CCDC192: variants seen among roughly 807,000 people sequenced by gnomAD.
CCDC192 encodes the protein coiled-coil domain containing 192.
chr5:127,884,758 T>C (rs187552176), intron 6 of CCDC192, among the ~76,000 whole-genome samples: 5 of 152,342 alleles, frequency 3.3e-5, no homozygotes, highest in African/African-American at 1.2e-4. Flanking sequence ...TAACCTGTTT[T>C]AGTTAAACCT....
At chr5:127,763,356 A>G (rs1399707880) in intron 3 of CCDC192, among the ~76,000 whole-genome samples, 1 of 152,082 alleles carries the variant, frequency 6.6e-6, no homozygotes, top group Non-Finnish European at 1.5e-5. Flanking sequence ...TATGCAATCA[A>G]TTGCTGAGTA....
chr5:127,807,725 C>T (rs889069826), intron 5 of CCDC192, among the ~76,000 whole-genome samples: 11 of 152,280 alleles, frequency 7.2e-5, no homozygotes, highest in African/African-American at 2.4e-4. Flanking sequence ...GTGCTTCACT[C>T]CACTCCTGGG....
intron 6 of CCDC192, among the ~76,000 whole-genome samples, chr5:127,899,548 C>T (rs1752983706): frequency 7.3e-6 from 1 of 136,350 alleles, no homozygotes; most frequent in Non-Finnish European, 1.5e-5. Context: ...AGTAAACCAT[C>T]GTCACACTGC....
chr5:127,775,680 G>T (rs1368250234), intron 3 of CCDC192, among the ~76,000 whole-genome samples: 1 of 152,178 alleles, frequency 6.6e-6, no homozygotes, highest in Non-Finnish European at 1.5e-5. Context: ...GTTTGGCTGT[G>T]TCCCCACCCA....
intron 3 of CCDC192, among the ~76,000 whole-genome samples, chr5:127,762,913 A>C (rs1429685038): frequency 6.6e-6 from 1 of 152,184 alleles, no homozygotes; most frequent in Non-Finnish European, 1.5e-5. Context: ...ATATTAATCG[A>C]GTTTATACTA....
chr5:127,809,439 TG>T (rs200192687), intron 5 of CCDC192, among the ~76,000 whole-genome samples: 2,005 of 152,208 alleles, frequency 0.013, 19 homozygotes, highest in African/African-American at 0.027. Flanking sequence ...ATTAGTGTGT[TG>T]GGGGGGATGC....
chr5:127,832,593 GT>G, intron 5 of CCDC192, among the ~76,000 whole-genome samples: 1 of 152,250 alleles, frequency 6.6e-6, no homozygotes, highest in East Asian at 1.9e-4. Flanking sequence ...ATTCAGAATA[GT>G]GATTGCCTCT....
intron 6 of CCDC192, among the ~76,000 whole-genome samples, chr5:127,910,856 A>C (rs1010715271): frequency 2.6e-5 from 4 of 152,194 alleles, no homozygotes; most frequent in Admixed American, 6.5e-5. Flanking sequence ...AGAGAGAAGC[A>C]TATTTCCTTT....
At chr5:127,929,765 A>G (rs1055301382) in intron 6 of CCDC192, among the ~76,000 whole-genome samples, 21 of 152,208 alleles carry the variant, frequency 1.4e-4, no homozygotes, top group African/African-American at 4.8e-4. Context: ...AAACTGTCAT[A>G]TCTTTTTAAA....
chr5:127,844,734 C>A (rs1384969893), intron 5 of CCDC192, among the ~76,000 whole-genome samples: 1 of 152,162 alleles, frequency 6.6e-6, no homozygotes, highest in Non-Finnish European at 1.5e-5. Flanking sequence ...TGGCAGCCTG[C>A]CGAGCAGCCC....
chr5:127,925,448 C>T (rs1753837200), intron 6 of CCDC192, among the ~76,000 whole-genome samples: 1 of 152,152 alleles, frequency 6.6e-6, no homozygotes, highest in Non-Finnish European at 1.5e-5. Flanking sequence ...CACAAGCTGT[C>T]CTCAAGAACG....
Position 127,941,352 on chromosome 5 carries a change from G to C in CCDC192, c.706G>C (p.Ala236Pro). 2.5e-6 allele frequency: 1 copy of C among 399,114 alleles called. No homozygotes were observed. Among genetic ancestry groups the C allele is most frequent in the Middle Eastern group, 6.3e-4 (1 of 1,588 alleles). The allele number at this position is 399,114 out of a possible 1,614,324, so 24.7% of individuals were successfully genotyped here. ...EKERKIQQLE[A>P]ERSPHPPQEV... ...GGAAAGGAAGATTCAGCAGCTGGAA[G>C]CTGAGCGGAGTCCCCATCCTCCCCA... The change falls in exon 7 of 7, where the codon GCT (alanine) becomes CCT (proline). Residue 236 changes from alanine (A) to proline (P), a missense_variant. Transcript: ENST00000514853.
rs536558058 is a variant in CCDC192, at chr5:127,757,343, A to T, written c.222+2968A>T. Among the ~76,000 whole-genome samples the T allele has an allele frequency of 3.9e-5, 6 of 152,332 alleles. No homozygotes were observed. In the South Asian group the frequency reaches 6.2e-4, roughly 16 times the overall value. ...ATAGTTTGAGGAAAGGGAGAGTATG[A>T]TGTGTAAAAGCACATTGCAGCCATT... is the stretch of plus-strand genomic sequence containing the variant. On this transcript the variant is annotated intron_variant, in intron 3 of 6. Transcript: ENST00000514853.
intron 2 of CCDC192, among the ~76,000 whole-genome samples, chr5:127,748,805 C>T (rs1348649562): frequency 4.8e-5 from 7 of 146,874 alleles, no homozygotes; most frequent in African/African-American, 1.8e-4. Context: ...TTGTAGTTCT[C>T]CTTGAAGAGG....
intron 3 of CCDC192, 138 bp downstream of exon 3, chr5:127,754,513 A>C: frequency 2.7e-6 from 1 of 372,418 alleles, no homozygotes. Context: ...ACACACACAC[A>C]TTGCAGTATG....
chr5:127,772,295 T>C (rs1755600000), intron 3 of CCDC192, among the ~76,000 whole-genome samples: 1 of 151,978 alleles, frequency 6.6e-6, no homozygotes, highest in Non-Finnish European at 1.5e-5. Context: ...ATCCCATCTC[T>C]ACTAAAAATA....
At chr5:127,719,540 TATATATATATATATATATACACACATAC>T (rs71575705) in intron 2 of CCDC192, among the ~76,000 whole-genome samples, 43,212 of 103,612 alleles carry the variant, frequency 0.42, 8,636 homozygotes, top group Middle Eastern at 0.55. Context: ...CATACATATA[TATATATATATATATATATACACACATAC>T]ATATATATAT....
intron 3 of CCDC192, among the ~76,000 whole-genome samples, chr5:127,770,992 A>G (rs56269278): frequency 6.6e-6 from 1 of 152,158 alleles, no homozygotes; most frequent in African/African-American, 2.4e-5. Context: ...ATTCCTGGCT[A>G]GAGGGAATGA....
intron 2 of CCDC192, among the ~76,000 whole-genome samples, chr5:127,726,452 T>G (rs1163847642): frequency 2.0e-5 from 3 of 152,212 alleles, no homozygotes; most frequent in African/African-American, 7.2e-5. Context: ...TTGAAAAACT[T>G]TCTCTGGTAG....
Sources: gnomAD v4.1 joint callset for allele counts (sites outside exome capture counted in the v4.1 genomes callset) on GRCh38, gnomAD v4.1.1 for gene constraint, MANE v1.5 for transcripts, NCBI Gene and HGNC (gene_info 2026-07-23, HGNC 2026-07-21) for gene names.